Variants in CCDC85C observed in about 807,000 individuals in gnomAD.
The protein encoded by CCDC85C is coiled-coil domain containing 85C.
A neutral mutation model predicts 38.3 loss-of-function variants in CCDC85C; 18 were observed. The ratio of observed to expected loss-of-function variants is 0.47; its 90% confidence interval spans 0.33 to 0.70. CCDC85C has a LOEUF of 0.70. CCDC85C is among the 30% of genes least tolerant of loss of function. The pLI is 0.03. For missense variants in CCDC85C, 566 were observed against 621.2 expected (o/e 0.91, Z 0.94); for synonymous variants, 264 against 293.8 (o/e 0.90, Z 1.04).
At position 99,535,989 on chromosome 14, in the gene CCDC85C, G is replaced by C; in HGVS notation, c.867+26C>G. 6.5e-7 allele frequency: 1 copy of C among 1,543,598 alleles called. No homozygotes were observed. On this transcript the variant is annotated intron_variant, in intron 2 of 5. Transcript: ENST00000380243. The surrounding 1 kb of genome is among the most constrained non-coding windows in gnomAD (Gnocchi z 5.5). ...GTGGGTGCTGGGTCGCGGTCCTCAA[G>C]GCAGCGCCACCCGAAGCCGGCCTAC... is the stretch of plus-strand genomic sequence containing the variant.
At position 99,514,911 on chromosome 14, in the gene CCDC85C, G is replaced by A. The variant is rs547549711; in HGVS notation, c.*335C>T. On this transcript the variant is annotated 3_prime_UTR_variant, in exon 6 of 6. Transcript: ENST00000380243. ...CATCCCAGGCAGGACAGAGGAGCCTGGACAGTTCCCAGGCTGGATCTCAGA... is the reference window on the plus strand; with the variant it reads ...CATCCCAGGCAGGACAGAGGAGCCTAGACAGTTCCCAGGCTGGATCTCAGA... The A allele has an allele frequency of 1.9e-4, 48 of 257,766 alleles. No homozygotes were observed. The South Asian group carries it at 2.4e-3, about 13-fold the overall frequency. The allele number at this position is 257,766 out of a possible 1,614,324, so 16.0% of individuals were successfully genotyped here.
intron 1 of CCDC85C, among the ~76,000 whole-genome samples, chr14:99,577,143 C>T (rs1898495406): frequency 6.6e-6 from 1 of 151,960 alleles, no homozygotes; most frequent in South Asian, 2.1e-4. Context: ...CTCTCTGGTT[C>T]CAAGTCGGCA....
chr14:99,521,727 C>T (rs1268610226), intron 3 of CCDC85C, among the ~76,000 whole-genome samples: 3 of 152,214 alleles, frequency 2.0e-5, no homozygotes, highest in South Asian at 2.1e-4. Flanking sequence ...TCCCTCCAGG[C>T]CAGGTCAGCC....
In CCDC85C at chr14:99,604,131, G is replaced by C; in HGVS notation, c.-172C>G. 10 of 362,214 alleles carry C rather than the reference G, an allele frequency of 2.8e-5. No individual in the cohort carries two copies. Among genetic ancestry groups the C allele is most frequent in the Non-Finnish European group, 3.8e-5 (10 of 264,192 alleles). The allele number at this position is 362,214 out of a possible 1,614,324, so 22.4% of individuals were successfully genotyped here. The stretch of plus-strand genomic sequence containing the variant: ...CCGCGCCCGCCGGGGCCGCCCGGGA[G>C]CCCGCGCGCCTCGGGGTTGACGAGC... On this transcript the variant is annotated 5_prime_UTR_variant, in exon 1 of 6. Coordinates refer to ENST00000380243, the MANE Select transcript of CCDC85C (RefSeq NM_001144995.2).
At chr14:99,578,402 G>A (rs1334014492) in intron 1 of CCDC85C, among the ~76,000 whole-genome samples, 3 of 152,128 alleles carry the variant, frequency 2.0e-5, no homozygotes, top group Non-Finnish European at 4.4e-5. Flanking sequence ...GTGTGTGTGA[G>A]TGTACACCTC....
chr14:99,529,189 C>T (rs747380134), intron 2 of CCDC85C, among the ~76,000 whole-genome samples: 3 of 152,054 alleles, frequency 2.0e-5, no homozygotes, highest in Non-Finnish European at 4.4e-5. Flanking sequence ...ATTTCACACC[C>T]GAAATCCCAT....
chr14:99,502,060 A>T lies in CCDC85C; in HGVS notation c.*13186T>A, dbSNP rs1004823696. 2.3e-6 allele frequency: 2 copies of T among 858,130 alleles called. No homozygotes were observed. The highest frequency in any genetic ancestry group is 3.8e-5 in the African/African-American group (2 of 52,694). 53.2% of individuals were successfully genotyped at this position (858,130 alleles called of 1,614,324 possible). On this transcript the variant is annotated 3_prime_UTR_variant, in exon 6 of 6. Transcript: ENST00000380243. ...TTAGTCGGGTACCTTTAGAAGAGTA[A>T]AGACTTGAGTTTATTTATTTATAGT...
At chr14:99,582,002 C>T (rs2054975441) in intron 1 of CCDC85C, among the ~76,000 whole-genome samples, 2 of 152,104 alleles carry the variant, frequency 1.3e-5, no homozygotes, top group Admixed American at 6.5e-5. Context: ...AGGGGGAAAC[C>T]GAGGCTCAGG....
chr14:99,591,614 T>C (rs554017891), intron 1 of CCDC85C, among the ~76,000 whole-genome samples: 1 of 152,134 alleles, frequency 6.6e-6, no homozygotes, highest in South Asian at 2.1e-4. Context: ...GCACAGCAAG[T>C]GGTCCTGGGG....
chr14:99,552,501 C>A (rs1897930284), intron 1 of CCDC85C, among the ~76,000 whole-genome samples: 1 of 152,208 alleles, frequency 6.6e-6, no homozygotes, highest in African/African-American at 2.4e-5. Flanking sequence ...GCCTCAGTGT[C>A]CCCTCAGTCC....
chr14:99,527,816 G>A (rs1460788911), intron 2 of CCDC85C, among the ~76,000 whole-genome samples: 1 of 152,154 alleles, frequency 6.6e-6, no homozygotes, highest in African/African-American at 2.4e-5. Context: ...AGACTTGCAA[G>A]CCTCTTCTCC....
At position 99,501,242 on chromosome 14, in the gene CCDC85C, T is replaced by C; in HGVS notation, c.*14004A>G. 1 of 721,682 alleles carries C rather than the reference T, an allele frequency of 1.4e-6. No homozygotes were observed. The highest frequency in any genetic ancestry group is 2.5e-6 in the Non-Finnish European group (1 of 403,842). The allele number at this position is 721,682 out of a possible 1,614,324, so 44.7% of individuals were successfully genotyped here. A position where few individuals can be genotyped will look rare whatever the true frequency, so the allele number is the denominator to read the frequency against. ...TCATCCTTGTTTCCCACGCAAAAGC[T>C]CTTTGCTGTGTATTTGAGTGGTGCT... On this transcript the variant is annotated 3_prime_UTR_variant, in exon 6 of 6. Coordinates refer to ENST00000380243, the MANE Select transcript of CCDC85C (RefSeq NM_001144995.2).
chr14:99,600,147 G>C (rs547185640), intron 1 of CCDC85C, among the ~76,000 whole-genome samples: 136 of 152,356 alleles, frequency 8.9e-4, no homozygotes, highest in African/African-American at 3.2e-3. Flanking sequence ...ATTCAGGTGA[G>C]CTGTCTAAGC....
rs1197567181 is a variant in CCDC85C at position 99,512,974 on chromosome 14, G to GAA, written c.*2270_*2271dup. The GAA allele has an allele frequency of 1.3e-5, 2 of 152,364 alleles. No homozygotes were observed. Among genetic ancestry groups the GAA allele is most frequent in the Non-Finnish European group, 2.9e-5 (2 of 68,046 alleles). The allele number at this position is 152,364 out of a possible 1,614,324, so 9.4% of individuals were successfully genotyped here. A position where few individuals can be genotyped will look rare whatever the true frequency, so the allele number is the denominator to read the frequency against. On this transcript the variant is annotated 3_prime_UTR_variant, in exon 6 of 6. Transcript: ENST00000380243. ...CAGTCGCCGACAGGGTTCTGTCCTA[G>GAA]AAAGCCATCCCAGTGCCGTGTTGGC... is the stretch of plus-strand genomic sequence containing the variant.
intron 1 of CCDC85C, among the ~76,000 whole-genome samples, chr14:99,536,329 C>G (rs1032962157): frequency 4.6e-5 from 7 of 152,212 alleles, no homozygotes; most frequent in African/African-American, 7.2e-5. Flanking sequence ...AGAGGCCAGC[C>G]TTGCAGGACC....
rs923834780 is a variant in CCDC85C at position 99,516,801 on chromosome 14, C to T, written c.1071+287G>A. On this transcript the variant is annotated intron_variant, in intron 4 of 5. Coordinates refer to ENST00000380243, the MANE Select transcript of CCDC85C (RefSeq NM_001144995.2). This position sits in a 1 kb window ranked among gnomAD's most constrained non-coding sequence, Gnocchi z 5.5. ...ACCTGAGGTTAGTTCTAGCCCCACT[C>T]CTGCCCCTCTCTCTCTGGCCTTAGT... Among the ~76,000 whole-genome samples, 3 of 152,152 alleles carry T rather than the reference C, an allele frequency of 2.0e-5. No homozygotes were observed. Among genetic ancestry groups the T allele is most frequent in the African/African-American group, 7.2e-5 (3 of 41,414 alleles).
chr14:99,504,038 G>A lies in CCDC85C; in HGVS notation c.*11208C>T. Reference sequence around the variant, plus strand: ...GCAGTAGGGGGTGGTGTGCTGCCCGGACAGCACCAGCCCGGCCCAGCCCAG... The same window carrying A: ...GCAGTAGGGGGTGGTGTGCTGCCCGAACAGCACCAGCCCGGCCCAGCCCAG... On this transcript the variant is annotated 3_prime_UTR_variant, in exon 6 of 6. Coordinates refer to ENST00000380243, the MANE Select transcript of CCDC85C (RefSeq NM_001144995.2). 2.7e-6 allele frequency: 1 copy of A among 372,774 alleles called. No homozygotes were observed. The allele number at this position is 372,774 out of a possible 1,614,324, so 23.1% of individuals were successfully genotyped here.
In CCDC85C at chr14:99,588,055, C is replaced by T. The variant is rs2055046093; in HGVS notation, c.793+15112G>A. 6.6e-6 allele frequency among the ~76,000 whole-genome samples: 1 copy of T among 152,172 alleles called. No individual in the cohort carries two copies. The highest frequency in any genetic ancestry group is 2.1e-4 in the South Asian group (1 of 4,834). On this transcript the variant is annotated intron_variant, in intron 1 of 5. Coordinates refer to ENST00000380243, the MANE Select transcript of CCDC85C (RefSeq NM_001144995.2). This position sits in a 1 kb window ranked among gnomAD's most constrained non-coding sequence, Gnocchi z 5.0. Reference sequence around the variant, plus strand: ...CAGCCCTCACTTGAATCCCCTTCCACACCCCCAGGCCTGCACAGGCCTCCT... The same window carrying T: ...CAGCCCTCACTTGAATCCCCTTCCATACCCCCAGGCCTGCACAGGCCTCCT...
intron 1 of CCDC85C, among the ~76,000 whole-genome samples, chr14:99,590,463 G>A (rs1445756727): frequency 1.3e-5 from 2 of 152,214 alleles, no homozygotes; most frequent in African/African-American, 4.8e-5. Flanking sequence ...CTGATGGGTT[G>A]TCGGGGGTAC....
Sources: gnomAD v4.1 joint callset for allele counts (sites outside exome capture counted in the v4.1 genomes callset) on GRCh38, gnomAD v4.1.1 for gene constraint, Gnocchi (gnomAD v3.1) non-coding constraint, MANE v1.5 for transcripts, NCBI Gene and HGNC (gene_info 2026-07-23, HGNC 2026-07-21) for gene names.